Variants in SMARCA1 observed in about 807,000 individuals in gnomAD.
The protein encoded by SMARCA1 is SWI/SNF-related matrix-associated actin-dependent regulator of chromatin subfamily A member 1.
A neutral mutation model predicts 93.6 loss-of-function variants in SMARCA1; 17 were observed. That is an observed-to-expected ratio of 0.18 (90% CI 0.12 to 0.27). The LOEUF is 0.27. Ranked by LOEUF, SMARCA1 falls within the 10% of genes least tolerant of loss-of-function variation. The pLI, the probability that SMARCA1 is intolerant of heterozygous loss-of-function variation, is 1.00. For synonymous variants in SMARCA1, 271 were observed against 271.4 expected, an observed-to-expected ratio of 1.00 and a Z score of 0.01; for missense variants, 630 against 819.0, an observed-to-expected ratio of 0.77 and a Z score of 2.82.
chrX:129,472,917 A>T (rs1933203068), intron 19 of SMARCA1, among the ~76,000 whole-genome samples: 1 of 111,696 alleles, frequency 9.0e-6, no homozygotes, highest in Non-Finnish European at 1.9e-5. Flanking sequence ...CTCTACCTAT[A>T]TTAGATATGG....
At chrX:129,499,696 A>G (rs778260844) in intron 10 of SMARCA1, 36 bp downstream of exon 10, 1 of 781,597 alleles carries the variant, frequency 1.3e-6, no homozygotes, top group Non-Finnish European at 1.9e-6. Context: ...AAATTCTTAC[A>G]CACAAATAAG....
intron 23 of SMARCA1, among the ~76,000 whole-genome samples, chrX:129,451,354 G>C (rs966462257): frequency 9.0e-6 from 1 of 111,516 alleles, no homozygotes; most frequent in Non-Finnish European, 1.9e-5. Context: ...AAGCTGACTC[G>C]TGAATCATTA....
At chrX:129,521,187 G>A (rs1389722988) in intron 1 of SMARCA1, among the ~76,000 whole-genome samples, 3 of 111,779 alleles carry the variant, frequency 2.7e-5, no homozygotes, top group African/African-American at 9.8e-5. Flanking sequence ...CGCCCGGCTG[G>A]AAAAATTATT....
rs1158251614 is a variant in SMARCA1 at position 129,495,285 on chromosome X, TCAC to T, written c.1626+1462_1626+1464del. ...AATCTTTCTTAAACGTATGTATGGC[TCAC>T]ATTTATTTCCATGTTTAATATTATA... On this transcript the variant is annotated intron_variant, in intron 12 of 24. Transcript: ENST00000371121. Among the ~76,000 whole-genome samples the T allele has an allele frequency of 2.7e-5, 3 of 112,795 alleles. No individual in the cohort carries two copies. The Admixed American group carries it at 2.8e-4, about 11-fold the overall frequency.
intron 23 of SMARCA1, among the ~76,000 whole-genome samples, chrX:129,456,040 G>A (rs935868181): frequency 5.4e-5 from 6 of 112,078 alleles, no homozygotes; most frequent in Non-Finnish European, 1.1e-4. Flanking sequence ...CATAACTAGA[G>A]AGGAAAAGCG....
chrX:129,461,671 T>G (rs1161874955), intron 23 of SMARCA1, among the ~76,000 whole-genome samples: 1 of 112,103 alleles, frequency 8.9e-6, no homozygotes, highest in Non-Finnish European at 1.9e-5. Flanking sequence ...ATAAGGGTCC[T>G]TTTAACTCTG....
At chrX:129,476,423 C>T (rs1237571243) in intron 19 of SMARCA1, among the ~76,000 whole-genome samples, 4 of 111,983 alleles carry the variant, frequency 3.6e-5, no homozygotes, top group Non-Finnish European at 7.5e-5. Flanking sequence ...AATAAAAATG[C>T]AAATAACCAG....
chrX:129,523,185 CT>C lies in SMARCA1; in HGVS notation c.174+11del, dbSNP rs749281467. ...GATTTGTCCACCACACACACACCCCCTTCCTATTTACCTCCTTCTTCTTCTC... is the reference window on the plus strand; with the variant it reads ...GATTTGTCCACCACACACACACCCCCTCCTATTTACCTCCTTCTTCTTCTC... On this transcript the variant is annotated intron_variant, in intron 1 of 24. Coordinates refer to ENST00000371121, the MANE Select transcript of SMARCA1 (RefSeq NM_001282874.2). 2.5e-6 allele frequency: 3 copies of C among 1,210,459 alleles called. No homozygotes were observed. Among genetic ancestry groups the C allele is most frequent in the South Asian group, 1.8e-5 (1 of 56,905 alleles).
chrX:129,465,812 A>T, intron 22 of SMARCA1, 32 bp downstream of exon 22: 1 of 1,058,575 alleles, frequency 9.4e-7, no homozygotes, highest in South Asian at 2.2e-5. Flanking sequence ...AATTAAAACG[A>T]TCTAATAATA....
At chrX:129,496,894 A>C (rs1051113649) in intron 11 of SMARCA1, 23 bp from the exon 12 acceptor site, 14 of 1,185,820 alleles carry the variant, frequency 1.2e-5, no homozygotes, top group East Asian at 3.0e-5. Context: ...ACCAAGAAAA[A>C]GTGAGTTGTA....
At chrX:129,520,706 CCT>C (rs752293850) in intron 1 of SMARCA1, among the ~76,000 whole-genome samples, 2 of 111,414 alleles carry the variant, frequency 1.8e-5, no homozygotes, top group African/African-American at 6.5e-5. Flanking sequence ...TTTCCCTCTC[CCT>C]GTTTTATCAC....
At chrX:129,515,656 G>C in intron 5 of SMARCA1, 31 bp downstream of exon 5, 1 of 978,176 alleles carries the variant, frequency 1.0e-6, no homozygotes, top group East Asian at 3.1e-5. Context: ...ATTGATAACT[G>C]AGAATGTGTT....
At chrX:129,469,587 T>C (rs1933024569) in intron 20 of SMARCA1, among the ~76,000 whole-genome samples, 1 of 112,208 alleles carries the variant, frequency 8.9e-6, no homozygotes, top group African/African-American at 3.2e-5. Context: ...AATGTGATAC[T>C]CCAGACACTG....
intron 19 of SMARCA1, among the ~76,000 whole-genome samples, chrX:129,477,999 C>T (rs769381869): frequency 2.1e-4 from 23 of 111,595 alleles, no homozygotes; most frequent in Non-Finnish European, 4.0e-4. Context: ...TCCTTCCCAC[C>T]TCAAGACCTT....
In SMARCA1 at chrX:129,492,080, G is replaced by A; in HGVS notation, c.1676C>T (p.Ala559Val). Residue 559 changes from alanine to valine, a missense_variant, in exon 14 of 25, where the codon GCT becomes GTT. Physicochemically the swap from Ala to Val is moderately conservative, Grantham distance 64. Transcript: ENST00000371121. Reference protein sequence around the residue: ...EFLGQREAIEAFNAPNSSKFI... With the variant: ...EFLGQREAIEVFNAPNSSKFI... ...TTTGCTACTATTAGGAGCATTAAAA[G>A]CCTCTATTGCTTCCTTTATTTTTTA... is the stretch of plus-strand genomic sequence containing the variant. 2.6e-6 allele frequency: 3 copies of A among 1,146,708 alleles called. No individual in the cohort carries two copies. Among genetic ancestry groups the A allele is most frequent in the Non-Finnish European group, 3.6e-6 (3 of 842,733 alleles). 94.5% of individuals were successfully genotyped at this position (1,146,708 alleles called of 1,213,427 possible).
chrX:129,514,337 G>A (rs3131272), intron 5 of SMARCA1, among the ~76,000 whole-genome samples: 50,310 of 110,097 alleles, frequency 0.46, 11,457 homozygotes, highest in African/African-American at 0.89. Context: ...AAGCCTTCAT[G>A]TATTCCCCCT....
At chrX:129,507,360 A>G (rs1443070551) in intron 7 of SMARCA1, among the ~76,000 whole-genome samples, 1 of 112,462 alleles carries the variant, frequency 8.9e-6, no homozygotes. Flanking sequence ...CTCAATAAAA[A>G]ATAAATCAAT....
At chrX:129,502,085 G>A (rs1934589317) in intron 9 of SMARCA1, among the ~76,000 whole-genome samples, 1 of 111,853 alleles carries the variant, frequency 8.9e-6, no homozygotes, top group Admixed American at 9.5e-5. Flanking sequence ...CTGGCTTCTG[G>A]TGTGAGCCTC....
At chrX:129,507,805 G>T in intron 7 of SMARCA1, 136 bp downstream of exon 7, 1 of 413,278 alleles carries the variant, frequency 2.4e-6, no homozygotes, top group Non-Finnish European at 4.1e-6. Context: ...GCCCTCCTCG[G>T]CCTCCCAAAG....
Sources: gnomAD v4.1 joint callset for allele counts (sites outside exome capture counted in the v4.1 genomes callset) on GRCh38, gnomAD v4.1.1 for gene constraint, MANE v1.5 for transcripts, NCBI Gene and HGNC (gene_info 2026-07-23, HGNC 2026-07-21) for gene names.